Variants in ASTN2 observed in about 807,000 individuals in gnomAD.
ASTN2 encodes astrotactin-2.
In ASTN2, 54 loss-of-function variants were observed where a neutral mutation model predicts 139.8. The observed-to-expected ratio is 0.39, with a 90% CI of 0.31 to 0.48. The LOEUF is 0.48. Among genes scored for constraint, ASTN2 ranks in the 20% least tolerant of loss-of-function variants. The pLI is 0.95. For synonymous variants in ASTN2, 756 were observed against 719.5 expected (o/e 1.05, Z -0.81); for missense variants, 1,565 against 1,725.1 (o/e 0.91, Z 1.64).
At chr9:117,041,864 C>G (rs772118037) in intron 5 of ASTN2, among the ~76,000 whole-genome samples, 1 of 152,186 alleles carries the variant, frequency 6.6e-6, no homozygotes, top group African/African-American at 2.4e-5. Flanking sequence ...GTCACCCCAT[C>G]ACTCTTTGAG....
At chr9:116,463,908 GTTTT>G (rs71502069) in intron 20 of ASTN2, among the ~76,000 whole-genome samples, 4 of 115,928 alleles carry the variant, frequency 3.5e-5, no homozygotes, top group Middle Eastern at 4.7e-3. Flanking sequence ...AGAGTTTTGT[GTTTT>G]TTTTTTTTTT....
At chr9:117,328,271 A>G (rs1828585513) in intron 1 of ASTN2, among the ~76,000 whole-genome samples, 1 of 152,188 alleles carries the variant, frequency 6.6e-6, no homozygotes, top group Non-Finnish European at 1.5e-5. Context: ...CACACTAAAC[A>G]TGATCAAATG....
At chr9:117,203,355 C>T (rs908247893) in intron 3 of ASTN2, among the ~76,000 whole-genome samples, 2 of 152,004 alleles carry the variant, frequency 1.3e-5, no homozygotes, top group African/African-American at 4.8e-5. Flanking sequence ...CCATTTGATC[C>T]TCTGTCCAGT....
intron 1 of ASTN2, among the ~76,000 whole-genome samples, chr9:117,311,095 C>T (rs1827961230): frequency 6.6e-6 from 1 of 152,174 alleles, no homozygotes; most frequent in East Asian, 1.9e-4. Flanking sequence ...CATTCATCTC[C>T]TCAGCCTAGG....
intron 11 of ASTN2, among the ~76,000 whole-genome samples, chr9:116,856,180 C>A (rs543488025): frequency 6.6e-6 from 1 of 152,308 alleles, no homozygotes; most frequent in Non-Finnish European, 1.5e-5. Flanking sequence ...AATAGGGCAA[C>A]CATCAGTCCT....
At chr9:117,354,171 A>T (rs1413455020) in intron 1 of ASTN2, among the ~76,000 whole-genome samples, 2 of 151,862 alleles carry the variant, frequency 1.3e-5, no homozygotes, top group Non-Finnish European at 2.9e-5. Flanking sequence ...AGTATAAGGA[A>T]CTCTCTGTAC....
chr9:116,820,841 C>T (rs1588321010), intron 11 of ASTN2, 58 bp from the exon 12 acceptor site: 4 of 1,521,868 alleles, frequency 2.6e-6, no homozygotes, highest in Non-Finnish European at 3.6e-6. Flanking sequence ...GGCCCCATCA[C>T]ACCCTCTCCT....
intron 13 of ASTN2, among the ~76,000 whole-genome samples, chr9:116,761,365 G>C (rs1829668528): frequency 6.6e-6 from 1 of 152,154 alleles, no homozygotes; most frequent in Admixed American, 6.5e-5. Flanking sequence ...TCACAATCCT[G>C]TTGAAATAGA....
chr9:116,897,325 G>A (rs769428164), intron 10 of ASTN2, among the ~76,000 whole-genome samples: 3 of 152,192 alleles, frequency 2.0e-5, no homozygotes, highest in Non-Finnish European at 4.4e-5. Context: ...TCTAAAAAGC[G>A]AGGCTTGAAT....
rs1856072975 is a variant in ASTN2 at position 116,620,372 on chromosome 9, C to A, written c.3144G>T (p.Arg1048Ser). Residue 1048 changes from arginine to serine, a missense_variant, in exon 18 of 23, where the codon AGG (arginine) becomes AGT (serine). Arg to Ser is a moderately radical substitution (Grantham distance 110, BLOSUM62 -1). Around this residue, in one of 4 missense-constraint regions of ASTN2, gnomAD observed 418 missense variants for 465.8 expected, o/e 0.90. Coordinates refer to ENST00000313400, the MANE Select transcript of ASTN2 (RefSeq NM_001365068.1). ...TGGCATCAAAGGCGCTGAGGTCACA[C>A]CTGCACCAGTCATCGATCACATCCC... The part of the protein sequence containing the change: ...GKGDVIDDWC[R>S]CDLSAFDANG... 1 of 1,614,040 alleles carries A rather than the reference C, an allele frequency of 6.2e-7. No homozygotes were observed. Among genetic ancestry groups the A allele is most frequent in the African/African-American group, 1.3e-5 (1 of 74,910 alleles).
Position 117,131,000 on chromosome 9 carries a change from A to G in ASTN2, c.1168+10326T>C, listed in dbSNP as rs569259692. ...ATATCTCAATCATGGGAAATTGTAA[A>G]GCTTCTCTTTGTAGTCTTCTAAGTG... On this transcript the variant is annotated intron_variant, in intron 4 of 22. Transcript: ENST00000313400. Among the ~76,000 whole-genome samples, 8 of 152,310 alleles carry G rather than the reference A, an allele frequency of 5.3e-5. No homozygotes were observed. The South Asian group carries it at 1.5e-3, about 28-fold the overall frequency.
intron 19 of ASTN2, among the ~76,000 whole-genome samples, chr9:116,500,206 C>G (rs1849807370): frequency 6.6e-6 from 1 of 152,180 alleles, no homozygotes; most frequent in South Asian, 2.1e-4. Flanking sequence ...TCTCTTTCCA[C>G]TGCCCTCTCC....
intron 2 of ASTN2, among the ~76,000 whole-genome samples, chr9:117,264,225 C>A (rs761897461): frequency 6.6e-6 from 1 of 152,016 alleles, no homozygotes; most frequent in Admixed American, 6.6e-5. Context: ...TCTACATTTA[C>A]CCCATTCGTA....
intron 10 of ASTN2, among the ~76,000 whole-genome samples, chr9:116,897,884 T>C (rs10817956): frequency 0.33 from 50,724 of 151,962 alleles, 8,835 homozygotes; most frequent in East Asian, 0.58. Context: ...AAATAACTTT[T>C]CCAAAAATCA....
At chr9:117,052,123 A>G (rs968628698) in intron 5 of ASTN2, among the ~76,000 whole-genome samples, 2 of 152,164 alleles carry the variant, frequency 1.3e-5, no homozygotes, top group Non-Finnish European at 2.9e-5. Context: ...TGGGAATAAC[A>G]TCTACTCCAC....
chr9:116,789,108 C>A (rs760194504), intron 13 of ASTN2, among the ~76,000 whole-genome samples: 2 of 152,102 alleles, frequency 1.3e-5, no homozygotes, highest in Non-Finnish European at 1.5e-5. Context: ...GGGAATTAAT[C>A]GAAACTTACA....
chr9:116,863,559 G>A (rs981911722), intron 11 of ASTN2, 24 bp downstream of exon 11: 13 of 1,611,464 alleles, frequency 8.1e-6, no homozygotes, highest in Non-Finnish European at 1.1e-5. Flanking sequence ...CCACTGCCAT[G>A]TTCCCGGGCC....
intron 19 of ASTN2, among the ~76,000 whole-genome samples, chr9:116,549,021 GT>G (rs1266519066): frequency 1.3e-5 from 2 of 152,142 alleles, no homozygotes; most frequent in African/African-American, 2.4e-5. Context: ...ATTCTGATGG[GT>G]TTTGGTCTTT....
chr9:117,326,246 T>A (rs936651622), intron 1 of ASTN2, among the ~76,000 whole-genome samples: 2 of 152,172 alleles, frequency 1.3e-5, no homozygotes, highest in Non-Finnish European at 2.9e-5. Context: ...GGCAGCCAGT[T>A]TGAGATCTCT....
Sources: allele counts gnomAD v4.1 joint callset (sites outside exome capture counted in the v4.1 genomes callset), GRCh38; gene constraint gnomAD v4.1.1; regional missense constraint gnomAD v4.1.1; transcripts MANE v1.5; gene names NCBI Gene and HGNC (gene_info 2026-07-23, HGNC 2026-07-21).